Variants in HNRNPH3 observed in about 807,000 individuals in gnomAD.
The protein encoded by HNRNPH3 is heterogeneous nuclear ribonucleoprotein H3.
HNRNPH3 carries 7 observed loss-of-function variants against 47.0 expected under a neutral mutation model. That is an observed-to-expected ratio of 0.15 (90% CI 0.08 to 0.28). The LOEUF (loss-of-function observed/expected upper bound fraction) is 0.28. Among genes scored for constraint, HNRNPH3 ranks in the 10% least tolerant of loss-of-function variants. The pLI, the probability that HNRNPH3 is intolerant of heterozygous loss-of-function variation, is 1.00. For synonymous variants in HNRNPH3, 120 were observed against 143.2 expected (o/e 0.84, Z 1.16); for missense variants, 279 against 449.6 (o/e 0.62, Z 3.43).
intron 8 of HNRNPH3, 37 bp from the exon 9 acceptor site, chr10:68,341,718 TATCG>T: frequency 6.3e-7 from 1 of 1,585,930 alleles, no homozygotes; most frequent in Non-Finnish European, 8.6e-7. Context: ...GTTAGCTGCT[TATCG>T]ATGAGTCTCA....
At chr10:68,335,462 A>G (rs2134666172) in intron 1 of HNRNPH3, among the ~76,000 whole-genome samples, 1 of 152,032 alleles carries the variant, frequency 6.6e-6, no homozygotes, top group African/African-American at 2.4e-5. Context: ...GGCATTTTCA[A>G]AACATCTCTG....
In HNRNPH3 at chr10:68,341,688, A is replaced by G; in HGVS notation, c.871+8A>G. ...ACGGAAGAGATGGAATGGGTATGTA[A>G]AGTTTTTAAAATATGCAGGGTTAGC... is the stretch of plus-strand genomic sequence containing the variant. On this transcript the variant is annotated splice_region_variant and intron_variant, in intron 8 of 9. Coordinates refer to ENST00000265866, the MANE Select transcript of HNRNPH3 (RefSeq NM_012207.3). 6.2e-7 allele frequency: 1 copy of G among 1,607,196 alleles called. No individual in the cohort carries two copies. Among genetic ancestry groups the G allele is most frequent in the African/African-American group, 1.3e-5 (1 of 74,674 alleles).
At position 68,342,248 on chromosome 10, in the gene HNRNPH3, TAAA is replaced by T; in HGVS notation, c.*197_*199del. The T allele has an allele frequency of 4.1e-6, 2 of 491,708 alleles. No homozygotes were observed. Among genetic ancestry groups the T allele is most frequent in the Non-Finnish European group, 7.2e-6 (2 of 277,296 alleles). The allele number at this position is 491,708 out of a possible 1,614,324, so 30.5% of individuals were successfully genotyped here. ...GGTTTATTTGTTGCATACTTTGACT[TAAA>T]AATAAATTTTTATATTCAAACCACT... On this transcript the variant is annotated 3_prime_UTR_variant, in exon 10 of 10. Coordinates refer to ENST00000265866, the MANE Select transcript of HNRNPH3 (RefSeq NM_012207.3).
At chr10:68,336,098 A>C (rs1293905888) in intron 1 of HNRNPH3, among the ~76,000 whole-genome samples, 2 of 152,198 alleles carry the variant, frequency 1.3e-5, no homozygotes, top group Non-Finnish European at 1.5e-5. Context: ...GATGACATGA[A>C]ATTAAGCATT....
chr10:68,342,745 C>T lies in HNRNPH3; in HGVS notation c.*691C>T, dbSNP rs1383789108. Reference sequence around the variant, plus strand: ...TTGACCGAAATACCAAAAATGTCTCCAAAAAATTGATAGTTGCAGGTTATC... The same window carrying T: ...TTGACCGAAATACCAAAAATGTCTCTAAAAAATTGATAGTTGCAGGTTATC... On this transcript the variant is annotated 3_prime_UTR_variant, in exon 10 of 10. Transcript: ENST00000265866. 3.3e-5 allele frequency: 5 copies of T among 152,520 alleles called. No individual in the cohort carries two copies. Among genetic ancestry groups the T allele is most frequent in the African/African-American group, 1.2e-4 (5 of 41,408 alleles). The allele number at this position is 152,520 out of a possible 1,614,324, so 9.4% of individuals were successfully genotyped here. A position where few individuals can be genotyped will look rare whatever the true frequency, so the allele number is the denominator to read the frequency against.
chr10:68,335,475 CT>C (rs34001723), intron 1 of HNRNPH3, among the ~76,000 whole-genome samples: 180 of 147,144 alleles, frequency 1.2e-3, no homozygotes, highest in African/African-American at 3.2e-3. Context: ...CATCTCTGAA[CT>C]TTTTTTTTTT....
chr10:68,341,559 T>C (rs754642956), intron 7 of HNRNPH3, 26 bp from the exon 8 acceptor site: 2 of 1,445,712 alleles, frequency 1.4e-6, no homozygotes, highest in Non-Finnish European at 9.6e-7. Flanking sequence ...CTTTCTCCCC[T>C]GTTACTCTTT....
chr10:68,341,837 G>C lies in HNRNPH3; in HGVS notation c.950G>C (p.Gly317Ala). The C allele has an allele frequency of 6.2e-7, 1 of 1,610,754 alleles. No homozygotes were observed. Among genetic ancestry groups the C allele is most frequent in the Non-Finnish European group, 8.5e-7 (1 of 1,177,760 alleles). The change falls in exon 9 of 10, where the codon GGT (glycine) becomes GCT (alanine). Residue 317 changes from glycine (G) to alanine (A), a missense_variant. Transcript: ENST00000265866. ...AGTGGAGGATATGGTACTCCTGATGGTTTGGGTGGTTATGGTAAGTATCTC... is the reference window on the plus strand; with the variant it reads ...AGTGGAGGATATGGTACTCCTGATGCTTTGGGTGGTTATGGTAAGTATCTC... ...NYSGGYGTPD[G>A]LGGYGRGGGG...
intron 6 of HNRNPH3, 72 bp downstream of exon 6, chr10:68,339,627 G>A (rs879860546): frequency 4.3e-6 from 4 of 923,948 alleles, no homozygotes; most frequent in East Asian, 5.2e-5. Context: ...CATTCTTAAT[G>A]TTCTCATGTT....
chr10:68,341,359 A>G (rs765023683), intron 7 of HNRNPH3, 50 bp downstream of exon 7: 10 of 1,554,618 alleles, frequency 6.4e-6, no homozygotes, highest in Non-Finnish European at 8.7e-6. Context: ...GTGAATTTAT[A>G]AAATAAGAGG....
chr10:68,340,562 A>G (rs893423118), intron 6 of HNRNPH3, among the ~76,000 whole-genome samples: 9 of 152,188 alleles, frequency 5.9e-5, no homozygotes, highest in African/African-American at 1.9e-4. Flanking sequence ...TAGAGACCCA[A>G]TGGCCATTCA....
At chr10:68,332,909 A>G (rs2045274179) in intron 1 of HNRNPH3, 2 of 152,208 alleles carry the variant, frequency 1.3e-5, no homozygotes, top group African/African-American at 4.8e-5. Flanking sequence ...AAGGAGGCAG[A>G]CGGCCTCCTT....
chr10:68,334,501 A>G (rs1394729859), intron 1 of HNRNPH3, among the ~76,000 whole-genome samples: 1 of 152,180 alleles, frequency 6.6e-6, no homozygotes, highest in Non-Finnish European at 1.5e-5. Context: ...GCGTTGTGTG[A>G]CCGTCACTAC....
chr10:68,341,521 T>G, intron 7 of HNRNPH3, 64 bp from the exon 8 acceptor site: 6 of 1,184,170 alleles, frequency 5.1e-6, no homozygotes, highest in Non-Finnish European at 7.4e-6. Context: ...TTTACAAAGC[T>G]TGTATTGATG....
chr10:68,339,836 G>A (rs1038229145), intron 6 of HNRNPH3, among the ~76,000 whole-genome samples: 8 of 151,400 alleles, frequency 5.3e-5, no homozygotes, highest in African/African-American at 1.5e-4. Context: ...CCGCCACCAC[G>A]CCTGGCTAAT....
intron 1 of HNRNPH3, among the ~76,000 whole-genome samples, chr10:68,333,325 G>T (rs2045323073): frequency 6.6e-6 from 1 of 151,874 alleles, no homozygotes. Flanking sequence ...GTAGTTTGGC[G>T]TATATATGTT....
At chr10:68,333,709 G>A (rs766338220) in intron 1 of HNRNPH3, among the ~76,000 whole-genome samples, 1 of 152,146 alleles carries the variant, frequency 6.6e-6, no homozygotes, top group African/African-American at 2.4e-5. Flanking sequence ...CAGTACAAAA[G>A]GGAGGAGAAA....
chr10:68,340,204 CTT>C (rs2045809698), intron 6 of HNRNPH3, among the ~76,000 whole-genome samples: 1 of 151,978 alleles, frequency 6.6e-6, no homozygotes, highest in Non-Finnish European at 1.5e-5. Context: ...TCCTGGCTAA[CTT>C]TTTGTATTTT....
At chr10:68,334,411 ACGAC>A (rs1437199211) in intron 1 of HNRNPH3, among the ~76,000 whole-genome samples, 1 of 152,176 alleles carries the variant, frequency 6.6e-6, no homozygotes, top group African/African-American at 2.4e-5. Flanking sequence ...TTTTTCTTTA[ACGAC>A]TTTGGTATAT....
Sources: gnomAD v4.1 joint callset for allele counts (sites outside exome capture counted in the v4.1 genomes callset) on GRCh38, gnomAD v4.1.1 for gene constraint, MANE v1.5 for transcripts, NCBI Gene and HGNC (gene_info 2026-07-23, HGNC 2026-07-21) for gene names.